The following CCDC60 variants were observed in gnomAD, a reference collection of about 807,000 sequenced individuals.
The protein encoded by CCDC60 is coiled-coil domain-containing protein 60.
Under a neutral mutation model 63.5 loss-of-function variants are expected in CCDC60, and 54 were observed. The observed-to-expected ratio is 0.85, with a 90% CI of 0.68 to 1.07. The LOEUF is 1.07. Ranked by LOEUF, CCDC60 falls within the 50% of genes least tolerant of loss-of-function variation. The probability of loss-of-function intolerance (pLI) is 0.00; values close to 1 mark genes in which losing one functional copy is unlikely to be tolerated. For synonymous variants in CCDC60, 206 were observed against 238.8 expected (o/e 0.86, Z 1.27); for missense variants, 651 against 684.3 (o/e 0.95, Z 0.54).
intron 5 of CCDC60, among the ~76,000 whole-genome samples, chr12:119,493,885 A>G (rs1951656527): frequency 6.6e-6 from 1 of 152,152 alleles, no homozygotes; most frequent in Non-Finnish European, 1.5e-5. Context: ...GAAATATGAT[A>G]CATGTGCCAT....
At chr12:119,512,566 G>A (rs1952243001) in intron 7 of CCDC60, among the ~76,000 whole-genome samples, 1 of 152,230 alleles carries the variant, frequency 6.6e-6, no homozygotes, top group South Asian at 2.1e-4. Flanking sequence ...AATGGATGGA[G>A]ATGGGAAGAT....
chr12:119,462,885 G>A (rs1950883849), intron 2 of CCDC60, among the ~76,000 whole-genome samples: 2 of 151,828 alleles, frequency 1.3e-5, no homozygotes, highest in Non-Finnish European at 1.5e-5. Flanking sequence ...GTGCAGTGAT[G>A]CGATGTCAGC....
intron 2 of CCDC60, among the ~76,000 whole-genome samples, chr12:119,468,918 T>C (rs560352131): frequency 6.6e-6 from 1 of 151,760 alleles, no homozygotes; most frequent in East Asian, 1.9e-4. Flanking sequence ...CTACAAAAAT[T>C]AAAATTTTTT....
At position 119,334,943 on chromosome 12, in the gene CCDC60, T is replaced by C. The variant is rs1270403705; in HGVS notation, c.-234T>C. 2.5e-6 allele frequency: 1 copy of C among 392,916 alleles called. No individual in the cohort carries two copies. The highest frequency in any genetic ancestry group is 2.1e-5 in the African/African-American group (1 of 48,562). The allele number at this position is 392,916 out of a possible 1,614,324, so 24.3% of individuals were successfully genotyped here. ...AGTTTATAACCTTTCAAAAAGTAAA[T>C]AAGTCCAGGCTTGCCTGATTCTGCC... On this transcript the variant is annotated 5_prime_UTR_variant, in exon 1 of 14. Coordinates refer to ENST00000327554, the MANE Select transcript of CCDC60 (RefSeq NM_178499.5).
At chr12:119,423,880 T>C (rs775843001) in intron 1 of CCDC60, among the ~76,000 whole-genome samples, 100 of 152,340 alleles carry the variant, frequency 6.6e-4, no homozygotes, top group Non-Finnish European at 1.1e-3. Flanking sequence ...GCTTACATCA[T>C]TCCAGACTCT....
rs1392834801 is a variant in CCDC60, at chr12:119,540,653, T to C, written c.1591T>C (p.Tyr531His). The C allele has an allele frequency of 6.2e-7, 1 of 1,613,932 alleles. No individual in the cohort carries two copies. The highest frequency in any genetic ancestry group is 8.5e-7 in the Non-Finnish European group (1 of 1,180,012). ...EHIIHMPQED[Y>H]ISWLQSRINI... ...CATCATCCATATGCCTCAAGAGGAT[T>C]ACATCAGCTGGCTGCAGAGCCGGAT... Residue 531 changes from tyrosine to histidine, a missense_variant, in exon 14 of 14, where the codon TAC becomes CAC. Transcript: ENST00000327554.
At chr12:119,339,759 G>T (rs1412581393) in intron 1 of CCDC60, among the ~76,000 whole-genome samples, 1 of 152,214 alleles carries the variant, frequency 6.6e-6, no homozygotes, top group Non-Finnish European at 1.5e-5. Flanking sequence ...AGTGAACTGT[G>T]ATTGTGCCAC....
chr12:119,439,291 A>C (rs1379095581), intron 2 of CCDC60, among the ~76,000 whole-genome samples: 1 of 152,054 alleles, frequency 6.6e-6, no homozygotes, highest in Non-Finnish European at 1.5e-5. Context: ...ACACACACAC[A>C]TGTGAGAGAC....
chr12:119,431,166 G>A (rs1042119352), intron 2 of CCDC60, among the ~76,000 whole-genome samples: 18 of 152,188 alleles, frequency 1.2e-4, no homozygotes, highest in African/African-American at 3.4e-4. Flanking sequence ...TCAAGACAGG[G>A]GAATTGCAAT....
chr12:119,487,434 A>G (rs977839436), intron 4 of CCDC60, among the ~76,000 whole-genome samples: 3 of 151,688 alleles, frequency 2.0e-5, no homozygotes, highest in African/African-American at 7.3e-5. Flanking sequence ...AGTAGCTGGG[A>G]TTACAGGGGC....
intron 1 of CCDC60, among the ~76,000 whole-genome samples, chr12:119,363,847 G>A (rs957290171): frequency 6.6e-6 from 1 of 152,182 alleles, no homozygotes; most frequent in African/African-American, 2.4e-5. Context: ...TTGTAGGTGA[G>A]CAGATTCTTG....
chr12:119,381,773 C>G (rs1489470693), intron 1 of CCDC60, among the ~76,000 whole-genome samples: 6 of 152,162 alleles, frequency 3.9e-5, no homozygotes, highest in African/African-American at 1.4e-4. Context: ...AGTCTGGACT[C>G]TTAGATCTGT....
At chr12:119,510,196 T>A (rs1283195312) in intron 7 of CCDC60, among the ~76,000 whole-genome samples, 1 of 152,244 alleles carries the variant, frequency 6.6e-6, no homozygotes, top group Non-Finnish European at 1.5e-5. Context: ...TAGCTCAACA[T>A]CTTTCAATGA....
intron 1 of CCDC60, among the ~76,000 whole-genome samples, chr12:119,341,519 A>T (rs1162827917): frequency 6.6e-6 from 1 of 152,168 alleles, no homozygotes; most frequent in Non-Finnish European, 1.5e-5. Flanking sequence ...GAACAATAAG[A>T]TCTATGGCAT....
At chr12:119,445,454 AAAGG>A in intron 2 of CCDC60, among the ~76,000 whole-genome samples, 1 of 148,334 alleles carries the variant, frequency 6.7e-6, no homozygotes. Flanking sequence ...AAAAAAAAAA[AAAGG>A]AATGCTCTGA....
In CCDC60 at chr12:119,515,617, C is replaced by T. The variant is rs142747582; in HGVS notation, c.884-1006C>T. 2.0e-3 allele frequency among the ~76,000 whole-genome samples: 308 copies of T among 152,240 alleles called. 1 individual carries two copies. In the Middle Eastern group the frequency reaches 0.027, roughly 13 times the overall value. On this transcript the variant is annotated intron_variant, in intron 7 of 13. Coordinates refer to ENST00000327554, the MANE Select transcript of CCDC60 (RefSeq NM_178499.5). ...GTGCTGAGATTATAGGTGTGAGCCACTGCACCCAGCCAAAATCAATATTAA... is the reference window on the plus strand; with the variant it reads ...GTGCTGAGATTATAGGTGTGAGCCATTGCACCCAGCCAAAATCAATATTAA...
intron 2 of CCDC60, among the ~76,000 whole-genome samples, chr12:119,453,099 T>C (rs1223879628): frequency 1.3e-5 from 2 of 152,222 alleles, no homozygotes; most frequent in African/African-American, 4.8e-5. Context: ...AGTTTTGGGA[T>C]TACAGGCGTG....
chr12:119,414,912 G>A (rs1463989477), intron 1 of CCDC60, among the ~76,000 whole-genome samples: 2 of 152,182 alleles, frequency 1.3e-5, no homozygotes, highest in Admixed American at 6.5e-5. Context: ...CTGACCAATT[G>A]TGTAACCTTG....
At chr12:119,468,489 G>A (rs772907096) in intron 2 of CCDC60, among the ~76,000 whole-genome samples, 6 of 152,102 alleles carry the variant, frequency 3.9e-5, no homozygotes, top group Non-Finnish European at 7.4e-5. Context: ...CTGACTGTCT[G>A]GGATGGATAT....
Sources: gnomAD v4.1 joint callset for allele counts (sites outside exome capture counted in the v4.1 genomes callset) on GRCh38, gnomAD v4.1.1 for gene constraint, MANE v1.5 for transcripts, NCBI Gene and HGNC (gene_info 2026-07-23, HGNC 2026-07-21) for gene names.